The following VSTM2B variants were observed in gnomAD, a reference collection of about 807,000 sequenced individuals.
The protein encoded by VSTM2B is V-set and transmembrane domain-containing protein 2B.
A neutral mutation model predicts 24.0 loss-of-function variants in VSTM2B; 24 were observed. The observed-to-expected ratio is 1.00, with a 90% CI of 0.72 to 1.40. The LOEUF (loss-of-function observed/expected upper bound fraction) is 1.40, where lower values mean the gene tolerates loss of function less well. VSTM2B is among the 40% of genes most tolerant of loss of function. The probability of loss-of-function intolerance (pLI) is 0.00; values close to 1 mark genes in which losing one functional copy is unlikely to be tolerated. For synonymous variants in VSTM2B, 226 were observed against 194.4 expected, an observed-to-expected ratio of 1.16 and a Z score of -1.35; for missense variants, 399 against 416.4, an observed-to-expected ratio of 0.96 and a Z score of 0.36.
At position 29,563,896 on chromosome 19, in the gene VSTM2B, G is replaced by C; in HGVS notation, c.820G>C (p.Ala274Pro). 1 of 1,552,368 alleles carries C rather than the reference G, an allele frequency of 6.4e-7. No individual in the cohort carries two copies. The highest frequency in any genetic ancestry group is 8.7e-7 in the Non-Finnish European group (1 of 1,147,138). ...TDPLLSLLLL[A>P]LHKFLRLLLG... ...CCCACTCTTGTCCCTGCTCCTGTTA[G>C]CTCTGCATAAGTTCCTGCGCCTGCT... Residue 274 changes from alanine (A) to proline (P), a missense_variant, in exon 5 of 5, where the codon GCT becomes CCT. Transcript: ENST00000335523.
At chr19:29,556,678 T>C (rs935374563) in intron 4 of VSTM2B, among the ~76,000 whole-genome samples, 4 of 152,218 alleles carry the variant, frequency 2.6e-5, no homozygotes, top group African/African-American at 9.7e-5. Context: ...ACTTCAGCAC[T>C]CTCAGGATAC....
intron 4 of VSTM2B, among the ~76,000 whole-genome samples, chr19:29,537,731 A>ACTCTCCCGCACCCACCTC (rs1969924615): frequency 1.5e-5 from 2 of 135,036 alleles, no homozygotes; most frequent in African/African-American, 2.8e-5. Context: ...GCACCCACCT[A>ACTCTCCCGCACCCACCTC]CTCTCCCGCA....
At position 29,564,378 on chromosome 19, in the gene VSTM2B, A is replaced by C. The variant is rs1327099013; in HGVS notation, c.*444A>C. The C allele has an allele frequency of 6.6e-6, 1 of 152,052 alleles. No individual in the cohort carries two copies. Among genetic ancestry groups the C allele is most frequent in the Non-Finnish European group, 1.5e-5 (1 of 68,176 alleles). 9.4% of individuals were successfully genotyped at this position (152,052 alleles called of 1,614,324 possible). On this transcript the variant is annotated 3_prime_UTR_variant, in exon 5 of 5. Coordinates refer to ENST00000335523, the MANE Select transcript of VSTM2B (RefSeq NM_001146339.2). The stretch of plus-strand genomic sequence containing the variant: ...TCTTTGGGGGCTTTTCTTTTTTATT[A>C]AATTATTTCTTTTGAGGCATTTTGA...
At position 29,543,213 on chromosome 19, in the gene VSTM2B, A is replaced by C. The variant is rs965700955; in HGVS notation, c.769+12923A>C. Reference sequence around the variant, plus strand: ...AATAACTCTATTTACATTAAAGACTAATGTAACAAAAATACACCAGGCAAT... The same window carrying C: ...AATAACTCTATTTACATTAAAGACTCATGTAACAAAAATACACCAGGCAAT... On this transcript the variant is annotated intron_variant, in intron 4 of 4. Coordinates refer to ENST00000335523, the MANE Select transcript of VSTM2B (RefSeq NM_001146339.2). Among the ~76,000 whole-genome samples, 4 of 152,322 alleles carry C rather than the reference A, an allele frequency of 2.6e-5. No individual in the cohort carries two copies. The East Asian group carries it at 7.7e-4, about 29-fold the overall frequency.
At position 29,532,259 on chromosome 19, in the gene VSTM2B, G is replaced by C. The variant is rs1012102103; in HGVS notation, c.769+1969G>C. On this transcript the variant is annotated intron_variant, in intron 4 of 4. Coordinates refer to ENST00000335523, the MANE Select transcript of VSTM2B (RefSeq NM_001146339.2). ...TACTTCTACCCTCTTCCATCGGCCAGAACTCAGTCACATGGTCCAACATGG... is the reference window on the plus strand; with the variant it reads ...TACTTCTACCCTCTTCCATCGGCCACAACTCAGTCACATGGTCCAACATGG... Among the ~76,000 whole-genome samples, 18 of 152,288 alleles carry C rather than the reference G, an allele frequency of 1.2e-4. No individual in the cohort carries two copies. The East Asian group carries it at 3.5e-3, about 29-fold the overall frequency.
At chr19:29,529,110 G>C in intron 3 of VSTM2B, 1 of 985,480 alleles carries the variant, frequency 1.0e-6, no homozygotes, top group South Asian at 4.7e-5. Flanking sequence ...AGGGCTCCCT[G>C]GGTGTTTGTT....
chr19:29,541,305 T>C (rs1400135134), intron 4 of VSTM2B, among the ~76,000 whole-genome samples: 1 of 152,126 alleles, frequency 6.6e-6, no homozygotes, highest in Non-Finnish European at 1.5e-5. Flanking sequence ...GAAGACCACT[T>C]AGGAGGCAGT....
In VSTM2B at chr19:29,526,269, G is replaced by C. The variant is rs963562317; in HGVS notation, c.-315G>C. 4.0e-5 allele frequency among the ~76,000 whole-genome samples: 6 copies of C among 151,882 alleles called. No homozygotes were observed. The South Asian group carries it at 1.0e-3, about 26-fold the overall frequency. On this transcript the variant is annotated 5_prime_UTR_variant, in exon 1 of 5. Coordinates refer to ENST00000335523, the MANE Select transcript of VSTM2B (RefSeq NM_001146339.2). The surrounding 1 kb of genome is among the most constrained non-coding windows in gnomAD (Gnocchi z 4.1). Reference sequence around the variant, plus strand: ...GCCCAGCCCCTGCCCGGCCCGCCGGGCAGAGACTGAACCGCGGATCCCCAC... The same window carrying C: ...GCCCAGCCCCTGCCCGGCCCGCCGGCCAGAGACTGAACCGCGGATCCCCAC...
chr19:29,527,109 G>A, intron 1 of VSTM2B, 102 bp from the exon 2 acceptor site: 1 of 1,060,252 alleles, frequency 9.4e-7, no homozygotes, highest in East Asian at 2.7e-5. Context: ...GCGGGGTGGG[G>A]GGCACAAGGC....
At chr19:29,537,036 A>C (rs1359839802) in intron 4 of VSTM2B, among the ~76,000 whole-genome samples, 1 of 152,194 alleles carries the variant, frequency 6.6e-6, no homozygotes, top group Non-Finnish European at 1.5e-5. Flanking sequence ...TTATTCCCCC[A>C]TGCTTAGCTG....
intron 4 of VSTM2B, among the ~76,000 whole-genome samples, chr19:29,546,112 G>A (rs932962163): frequency 6.6e-6 from 1 of 152,124 alleles, no homozygotes; most frequent in Non-Finnish European, 1.5e-5. Context: ...TCAACTTGTG[G>A]GGGCCTCTGA....
At chr19:29,528,020 A>T (rs1352235374) in intron 2 of VSTM2B, among the ~76,000 whole-genome samples, 2 of 151,992 alleles carry the variant, frequency 1.3e-5, no homozygotes, top group Non-Finnish European at 2.9e-5. Flanking sequence ...AGTTACTCCC[A>T]CTGAGCCTCC....
At chr19:29,551,769 T>G (rs1568445683) in intron 4 of VSTM2B, among the ~76,000 whole-genome samples, 1 of 152,138 alleles carries the variant, frequency 6.6e-6, no homozygotes, top group Non-Finnish European at 1.5e-5. Context: ...GCGCTATTCC[T>G]GGTACTCCTT....
At chr19:29,563,732 T>C in intron 4 of VSTM2B, 114 bp from the exon 5 acceptor site, 1 of 855,460 alleles carries the variant, frequency 1.2e-6, no homozygotes, top group Non-Finnish European at 1.9e-6. Context: ...TCCAGCTGGG[T>C]GCTAAGCGTG....
intron 4 of VSTM2B, among the ~76,000 whole-genome samples, chr19:29,536,786 G>C (rs910888682): frequency 4.6e-5 from 7 of 152,128 alleles, no homozygotes; most frequent in Admixed American, 4.6e-4. Context: ...CCCCAACAAG[G>C]AGCTGCTCAT....
In VSTM2B at chr19:29,546,681, C is replaced by CT. The variant is rs71171737; in HGVS notation, c.769+16391_769+16392insT. On this transcript the variant is annotated intron_variant, in intron 4 of 4. Transcript: ENST00000335523. ...GTCCCCGCTGGGGAGCCCCCACCCC[C>CT]ACCCCGGTGCTCACTGCAGTCGGGC... Among the ~76,000 whole-genome samples, 136 of 151,168 alleles carry CT rather than the reference C, an allele frequency of 9.0e-4. 2 individuals are homozygous for CT. Among genetic ancestry groups the CT allele is most frequent in the African/African-American group, 3.2e-3 (130 of 41,066 alleles).
Position 29,530,077 on chromosome 19 carries a change from G to T in VSTM2B, c.556G>T (p.Gly186Cys). The part of the protein sequence containing the change: ...PASAANANNA[G>C]AASRTTSEPG... ...CAGCGCCGCCAACGCCAACAACGCGGGCGCCGCGAGCCGTACCACCTCCGA... is the reference window on the plus strand; with the variant it reads ...CAGCGCCGCCAACGCCAACAACGCGTGCGCCGCGAGCCGTACCACCTCCGA... Residue 186 changes from glycine (G) to cysteine (C), a missense_variant, in exon 4 of 5, where the codon GGC (glycine) becomes TGC (cysteine). Physicochemically the swap from Gly to Cys is radical, Grantham distance 159. Transcript: ENST00000335523. The T allele has an allele frequency of 6.7e-7, 1 of 1,501,990 alleles. No homozygotes were observed. The highest frequency in any genetic ancestry group is 8.8e-7 in the Non-Finnish European group (1 of 1,133,788). 93.0% of individuals were successfully genotyped at this position (1,501,990 alleles called of 1,614,324 possible).
intron 4 of VSTM2B, among the ~76,000 whole-genome samples, chr19:29,547,163 A>G (rs1970175630): frequency 6.6e-6 from 1 of 152,334 alleles, no homozygotes; most frequent in East Asian, 1.9e-4. Flanking sequence ...AACCACCAGT[A>G]ACATCTTATG....
intron 4 of VSTM2B, among the ~76,000 whole-genome samples, chr19:29,545,363 A>G (rs1010205086): frequency 2.6e-5 from 4 of 152,344 alleles, no homozygotes; most frequent in South Asian, 2.1e-4. Context: ...CTGCAATCCC[A>G]GCACTTTGGG....
Sources: gnomAD v4.1 joint callset for allele counts (sites outside exome capture counted in the v4.1 genomes callset) on GRCh38, gnomAD v4.1.1 for gene constraint, Gnocchi (gnomAD v3.1) non-coding constraint, MANE v1.5 for transcripts, NCBI Gene and HGNC (gene_info 2026-07-23, HGNC 2026-07-21) for gene names.